ARHGAP24: variants seen among roughly 807,000 people sequenced by gnomAD.
ARHGAP24 encodes Rho GTPase activating protein 24, also known as rho GTPase-activating protein 24.
Under a neutral mutation model 76.4 loss-of-function variants are expected in ARHGAP24, and 50 were observed. That is an observed-to-expected ratio of 0.65 (90% CI 0.52 to 0.83). The LOEUF (loss-of-function observed/expected upper bound fraction) is 0.83. Among genes scored for constraint, ARHGAP24 ranks in the 40% least tolerant of loss-of-function variants. ARHGAP24 has a pLI of 0.00. For synonymous variants in ARHGAP24, 345 were observed against 323.3 expected (o/e 1.07, Z -0.72); for missense variants, 930 against 914.2 (o/e 1.02, Z -0.22).
At chr4:85,974,528 G>A (rs939033750) in intron 6 of ARHGAP24, among the ~76,000 whole-genome samples, 2 of 152,104 alleles carry the variant, frequency 1.3e-5, no homozygotes, top group African/African-American at 4.8e-5. Flanking sequence ...TCTATGTTCT[G>A]CACATGCTGA....
chr4:85,637,567 T>C (rs1721376077), intron 2 of ARHGAP24, among the ~76,000 whole-genome samples: 1 of 152,076 alleles, frequency 6.6e-6, no homozygotes, highest in African/African-American at 2.4e-5. Context: ...TTGAAATGTG[T>C]CTACATAGTC....
chr4:85,703,735 C>T (rs1326704153), intron 2 of ARHGAP24, among the ~76,000 whole-genome samples: 1 of 152,120 alleles, frequency 6.6e-6, no homozygotes, highest in Non-Finnish European at 1.5e-5. Context: ...ATAAGTCATT[C>T]AGTCTGTGGT....
rs138685855 is a variant in ARHGAP24 at position 85,811,512 on chromosome 4, T to C, written c.268+89540T>C. Among the ~76,000 whole-genome samples the C allele has an allele frequency of 4.2e-3, 642 of 152,312 alleles. 2 individuals carry two copies. Among genetic ancestry groups the C allele is most frequent in the Non-Finnish European group, 6.7e-3 (453 of 68,026 alleles). On this transcript the variant is annotated intron_variant, in intron 3 of 9. Coordinates refer to ENST00000395184, the MANE Select transcript of ARHGAP24 (RefSeq NM_001025616.3). ...CCACCTCCACTGCCGCTTACATTCA[T>C]GATACCTCATTTCTATGACACAATT...
chr4:85,743,408 A>C (rs1426539672), intron 3 of ARHGAP24, among the ~76,000 whole-genome samples: 1 of 26,626 alleles, frequency 3.8e-5, no homozygotes, highest in African/African-American at 1.1e-4. Flanking sequence ...AAAAAAAAAA[A>C]AAAAAAAAAA....
chr4:85,765,568 A>G (rs1726901076), intron 3 of ARHGAP24, among the ~76,000 whole-genome samples: 1 of 152,130 alleles, frequency 6.6e-6, no homozygotes, highest in African/African-American at 2.4e-5. Context: ...AGTTGTAGGC[A>G]TATACTACTC....
At position 85,687,831 on chromosome 4, in the gene ARHGAP24, A is replaced by G. The variant is rs145062774; in HGVS notation, c.181-34054A>G. Among the ~76,000 whole-genome samples the G allele has an allele frequency of 5.3e-3, 799 of 151,962 alleles. 6 individuals are homozygous for G. Among genetic ancestry groups the G allele is most frequent in the African/African-American group, 0.018 (755 of 41,438 alleles). ...TAGTTCTATTTTCTTTTTTTTTTAA[A>G]ACAGAGTTTTGCTTTTATTGCCCAG... is the stretch of plus-strand genomic sequence containing the variant. On this transcript the variant is annotated intron_variant, in intron 2 of 9. Transcript: ENST00000395184.
intron 2 of ARHGAP24, among the ~76,000 whole-genome samples, chr4:85,586,663 G>C (rs920004407): frequency 1.3e-5 from 2 of 152,156 alleles, no homozygotes; most frequent in Admixed American, 6.5e-5. Flanking sequence ...ACTTTGGAAG[G>C]CTGAGGCGGG....
At chr4:85,721,863 T>C in intron 2 of ARHGAP24, 22 bp from the exon 3 acceptor site, 1 of 1,594,914 alleles carries the variant, frequency 6.3e-7, no homozygotes, top group Non-Finnish European at 8.6e-7. Context: ...GATGTTGATG[T>C]TTTGGGTATT....
Position 85,923,929 on chromosome 4 carries a change from A to G in ARHGAP24, c.391+159A>G, listed in dbSNP as rs1424468245. Among the ~76,000 whole-genome samples, 3 of 152,236 alleles carry G rather than the reference A, an allele frequency of 2.0e-5. No homozygotes were observed. The East Asian group carries it at 5.8e-4, about 29-fold the overall frequency. On this transcript the variant is annotated intron_variant, in intron 4 of 9. Coordinates refer to ENST00000395184, the MANE Select transcript of ARHGAP24 (RefSeq NM_001025616.3). ...ATTATTGTTAGACGTATGTCTTCGTAAATCCTACAAGTTTAATTTAGATCA... is the reference window on the plus strand; with the variant it reads ...ATTATTGTTAGACGTATGTCTTCGTGAATCCTACAAGTTTAATTTAGATCA...
intron 3 of ARHGAP24, among the ~76,000 whole-genome samples, chr4:85,770,163 T>A (rs1444206885): frequency 6.6e-6 from 1 of 152,212 alleles, no homozygotes. Context: ...AGGAAGGGCC[T>A]CCTCTATTCA....
At chr4:85,577,629 G>T in intron 2 of ARHGAP24, among the ~76,000 whole-genome samples, 1 of 152,184 alleles carries the variant, frequency 6.6e-6, no homozygotes, top group East Asian at 1.9e-4. Context: ...CCAAGCATTT[G>T]TGAAGAAGGA....
At chr4:85,532,430 A>T (rs1352108675) in intron 1 of ARHGAP24, among the ~76,000 whole-genome samples, 1 of 152,170 alleles carries the variant, frequency 6.6e-6, no homozygotes, top group Non-Finnish European at 1.5e-5. Context: ...ATTTCTGAAC[A>T]TTATTTTTAA....
intron 2 of ARHGAP24, among the ~76,000 whole-genome samples, chr4:85,682,699 CT>C (rs370631991): frequency 7.9e-5 from 12 of 152,320 alleles, no homozygotes; most frequent in African/African-American, 2.9e-4. Flanking sequence ...GTTCTTTGCA[CT>C]TTGCTTGCAA....
chr4:85,553,557 G>A (rs947605880), intron 1 of ARHGAP24, among the ~76,000 whole-genome samples: 4 of 151,442 alleles, frequency 2.6e-5, no homozygotes, highest in South Asian at 2.1e-4. Context: ...TCCCCTACCG[G>A]ATTAGCTAGA....
chr4:85,862,587 G>A (rs1352306741), intron 3 of ARHGAP24, among the ~76,000 whole-genome samples: 1 of 152,060 alleles, frequency 6.6e-6, no homozygotes, highest in Non-Finnish European at 1.5e-5. Flanking sequence ...TGCTTTAACA[G>A]GGCTCACCCC....
intron 3 of ARHGAP24, among the ~76,000 whole-genome samples, chr4:85,814,927 C>A (rs1262246780): frequency 6.6e-6 from 1 of 152,238 alleles, no homozygotes; most frequent in Non-Finnish European, 1.5e-5. Flanking sequence ...TTCCATACAT[C>A]TTCTGAAATC....
chr4:85,965,579 C>CT (rs1738546745), intron 5 of ARHGAP24, among the ~76,000 whole-genome samples: 1 of 143,926 alleles, frequency 6.9e-6, no homozygotes, highest in Non-Finnish European at 1.5e-5. Context: ...GAACTCCCTC[C>CT]TTTCTTTGGA....
intron 3 of ARHGAP24, among the ~76,000 whole-genome samples, chr4:85,815,565 G>GT (rs1244391345): frequency 6.6e-6 from 1 of 152,174 alleles, no homozygotes; most frequent in East Asian, 1.9e-4. Flanking sequence ...CTCCCAACAA[G>GT]TTCCTCATTT....
intron 2 of ARHGAP24, among the ~76,000 whole-genome samples, chr4:85,713,016 G>T (rs1724584148): frequency 6.6e-6 from 1 of 152,180 alleles, no homozygotes; most frequent in African/African-American, 2.4e-5. Flanking sequence ...TGTATGTCTA[G>T]GCTGGGCGTG....
Sources: allele counts gnomAD v4.1 joint callset (sites outside exome capture counted in the v4.1 genomes callset), GRCh38; gene constraint gnomAD v4.1.1; transcripts MANE v1.5; gene names NCBI Gene and HGNC (gene_info 2026-07-23, HGNC 2026-07-21).